Variants in RAB3IP observed in about 807,000 individuals in gnomAD.
The protein encoded by RAB3IP is RAB3A interacting protein.
Under a neutral mutation model 59.1 loss-of-function variants are expected in RAB3IP, and 36 were observed. The observed-to-expected ratio is 0.61, with a 90% CI of 0.47 to 0.80. RAB3IP has a LOEUF of 0.80. Among genes scored for constraint, RAB3IP ranks in the 30% least tolerant of loss-of-function variants. RAB3IP has a pLI of 0.00. For synonymous variants in RAB3IP, 207 were observed against 191.2 expected, an observed-to-expected ratio of 1.08 and a Z score of -0.68; for missense variants, 511 against 536.0, an observed-to-expected ratio of 0.95 and a Z score of 0.46.
At chr12:69,738,722 CA>C (rs1469131599), upstream of RAB3IP, 1 of 152,172 alleles carries the variant, frequency 6.6e-6, no homozygotes, top group Non-Finnish European at 1.5e-5. Context: ...CGCCTGGCGC[CA>C]GGGGGCGCGG....
chr12:69,779,451 T>G (rs1260443993), intron 3 of RAB3IP, among the ~76,000 whole-genome samples: 1 of 151,840 alleles, frequency 6.6e-6, no homozygotes, highest in African/African-American at 2.4e-5. Context: ...CCATTTGTCT[T>G]TCTTTATTCC....
At chr12:69,807,727 C>T (rs1262674049) in intron 8 of RAB3IP, among the ~76,000 whole-genome samples, 1 of 145,418 alleles carries the variant, frequency 6.9e-6, no homozygotes, top group African/African-American at 2.6e-5. Context: ...GATGGGGCGG[C>T]CGGGCAGAGG....
At chr12:69,738,488 A>C (rs929517802), upstream of RAB3IP, 3 of 152,228 alleles carry the variant, frequency 2.0e-5, no homozygotes, top group Non-Finnish European at 2.9e-5. Flanking sequence ...TGGTTCTAGG[A>C]GTCCTCAACC....
chr12:69,809,550 A>G (rs902695072), intron 8 of RAB3IP, among the ~76,000 whole-genome samples: 1 of 152,178 alleles, frequency 6.6e-6, no homozygotes, highest in Non-Finnish European at 1.5e-5. Flanking sequence ...TCAGACGTAA[A>G]TTTGGTCTTT....
chr12:69,740,626 G>A (rs753619838), intron 1 of RAB3IP, among the ~76,000 whole-genome samples: 32 of 152,156 alleles, frequency 2.1e-4, no homozygotes, highest in Non-Finnish European at 7.4e-5. Context: ...ATGTTTAGCT[G>A]CTTTGTGGGA....
intron 3 of RAB3IP, among the ~76,000 whole-genome samples, chr12:69,780,207 T>C (rs1874446425): frequency 6.6e-6 from 1 of 152,198 alleles, no homozygotes; most frequent in African/African-American, 2.4e-5. Flanking sequence ...CAGATGCATG[T>C]TTCCCCGCAA....
In RAB3IP at chr12:69,739,962, ACCTGTTATACACTCT is replaced by A. The variant is rs1887138763; in HGVS notation, c.-26+938_-26+952del. On this transcript the variant is annotated intron_variant, in intron 1 of 10. Transcript: ENST00000247833. ...TGGAAATGTTGCCTGTTCGGAGGCTACCTGTTATACACTCTCCTGTTTCACCCCAACTCCTTCCGT... is the reference window on the plus strand; with the variant it reads ...TGGAAATGTTGCCTGTTCGGAGGCTACCTGTTTCACCCCAACTCCTTCCGT... 8.4e-6 allele frequency: 10 copies of A among 1,195,270 alleles called. No homozygotes were observed. In the East Asian group the frequency reaches 2.4e-4, roughly 29 times the overall value. The allele number at this position is 1,195,270 out of a possible 1,614,324, so 74.0% of individuals were successfully genotyped here.
At chr12:69,807,314 C>CG (rs539935404) in intron 8 of RAB3IP, among the ~76,000 whole-genome samples, 1 of 145,016 alleles carries the variant, frequency 6.9e-6, no homozygotes, top group African/African-American at 2.6e-5. Context: ...CCAGACGGGG[C>CG]GGCCGGGCAG....
chr12:69,810,500 C>T lies in RAB3IP; in HGVS notation c.1131-2278C>T, dbSNP rs112666048. Among the ~76,000 whole-genome samples the T allele has an allele frequency of 5.2e-3, 797 of 152,252 alleles. 16 individuals carry two copies. The highest frequency in any genetic ancestry group is 0.018 in the African/African-American group (755 of 41,538). ...GCTGTAGACTGGAGCTGTTCCTATT[C>T]GGCCATCTTGGCTCCACCCTCCAGA... On this transcript the variant is annotated intron_variant, in intron 8 of 10. Coordinates refer to ENST00000247833, the MANE Select transcript of RAB3IP (RefSeq NM_022456.5).
At chr12:69,801,821 C>A in intron 8 of RAB3IP, 100 bp downstream of exon 8, 3 of 718,744 alleles carry the variant, frequency 4.2e-6, no homozygotes, top group South Asian at 1.7e-5. Context: ...AGTTATATTT[C>A]CCTCAGATTT....
At chr12:69,803,570 A>G (rs1878734713) in intron 8 of RAB3IP, among the ~76,000 whole-genome samples, 1 of 152,006 alleles carries the variant, frequency 6.6e-6, no homozygotes, top group African/African-American at 2.4e-5. Context: ...ATATGTATAC[A>G]TGGGCCATGT....
intron 3 of RAB3IP, among the ~76,000 whole-genome samples, chr12:69,765,754 TC>T (rs1872097115): frequency 6.6e-6 from 1 of 152,222 alleles, no homozygotes; most frequent in East Asian, 1.9e-4. Context: ...GCAGAGAGGA[TC>T]TCTAATTTTT....
At position 69,783,291 on chromosome 12, in the gene RAB3IP, T is replaced by G. The variant is rs146251196; in HGVS notation, c.511-1429T>G. ...TAATCCTTGGTCAAAAAGGTTTTTC[T>G]TTTCCAGCGCACTGTTTCTGAGAGC... On this transcript the variant is annotated intron_variant, in intron 3 of 10. Coordinates refer to ENST00000247833, the MANE Select transcript of RAB3IP (RefSeq NM_022456.5). Among the ~76,000 whole-genome samples the G allele has an allele frequency of 2.9e-4, 44 of 152,314 alleles. 1 individual carries two copies. The highest frequency in any genetic ancestry group is 9.4e-4 in the African/African-American group (39 of 41,574).
intron 3 of RAB3IP, among the ~76,000 whole-genome samples, chr12:69,759,645 CT>C (rs1439123525): frequency 7.9e-6 from 1 of 126,186 alleles, no homozygotes; most frequent in African/African-American, 3.0e-5. Flanking sequence ...GGGCGGCTGG[CT>C]GGGCGGGGGC....
At chr12:69,808,713 G>C (rs899120789) in intron 8 of RAB3IP, among the ~76,000 whole-genome samples, 1 of 152,150 alleles carries the variant, frequency 6.6e-6, no homozygotes, top group African/African-American at 2.4e-5. Context: ...CCGAGACTAG[G>C]ATTACAACCC....
chr12:69,818,854 CTG>C lies in RAB3IP; in HGVS notation c.*3409_*3410del, dbSNP rs1881410732. On this transcript the variant is annotated 3_prime_UTR_variant, in exon 11 of 11. Coordinates refer to ENST00000247833, the MANE Select transcript of RAB3IP (RefSeq NM_022456.5). ...GAGGAGCAAATCTATGAGTAAGTCA[CTG>C]GTAATGTTTTAGTCCCTGGGTTAGG... is the stretch of plus-strand genomic sequence containing the variant. 1 of 152,162 alleles carries C rather than the reference CTG, an allele frequency of 6.6e-6. No homozygotes were observed. The highest frequency in any genetic ancestry group is 6.5e-5 in the Admixed American group (1 of 15,274). 9.4% of individuals were successfully genotyped at this position (152,162 alleles called of 1,614,324 possible).
chr12:69,779,756 T>C (rs1874340531), intron 3 of RAB3IP, among the ~76,000 whole-genome samples: 1 of 152,202 alleles, frequency 6.6e-6, no homozygotes, highest in African/African-American at 2.4e-5. Context: ...CTGTATTTTC[T>C]TGAAGTTCAC....
chr12:69,771,527 C>CA (rs34718968), intron 3 of RAB3IP, among the ~76,000 whole-genome samples: 39,378 of 135,204 alleles, frequency 0.29, 5,576 homozygotes, highest in Middle Eastern at 0.42. Flanking sequence ...ACCCTGTCTC[C>CA]AAAAAAAAAA....
intron 3 of RAB3IP, among the ~76,000 whole-genome samples, chr12:69,759,828 C>G (rs537354527): frequency 6.6e-6 from 1 of 151,790 alleles, no homozygotes; most frequent in Non-Finnish European, 1.5e-5. Flanking sequence ...GGGCGGCTGC[C>G]GGGCGGAGGG....
Sources: gnomAD v4.1 joint callset for allele counts (sites outside exome capture counted in the v4.1 genomes callset) on GRCh38, gnomAD v4.1.1 for gene constraint, MANE v1.5 for transcripts, NCBI Gene and HGNC (gene_info 2026-07-23, HGNC 2026-07-21) for gene names.